TWNK: variants seen among roughly 807,000 people sequenced by gnomAD.
The protein encoded by TWNK is twinkle mtDNA helicase.
Under a neutral mutation model 58.2 loss-of-function variants are expected in TWNK, and 36 were observed. The ratio of observed to expected loss-of-function variants is 0.62; its 90% CI spans 0.47 to 0.82. TWNK has a LOEUF of 0.82. TWNK is among the 40% of genes least tolerant of loss of function. The pLI is 0.00. For synonymous variants in TWNK, 349 were observed against 348.5 expected (o/e 1.00, Z -0.02); for missense variants, 714 against 881.0 (o/e 0.81, Z 2.40).
chr10:100,989,315 T>C lies in TWNK; in HGVS notation c.1105T>C (p.Ser369Pro). 1 of 1,614,190 alleles carries C rather than the reference T, an allele frequency of 6.2e-7. No individual in the cohort carries two copies. The change falls in exon 1 of 5, where the codon TCT (serine) becomes CCT (proline). Residue 369 changes from serine to proline, a missense_variant. Physicochemically the swap from Ser to Pro is moderately conservative, Grantham distance 74. Transcript: ENST00000311916. The surrounding 1 kb of genome is among the most constrained non-coding windows in gnomAD (Gnocchi z 7.6). ...GCCTGCCTGGCACAAGTCCATCGTA[T>C]CTTTCCGGCAGCTTCGGGAGGAGGT... The part of the protein sequence containing the change: ...ALPAWHKSIV[S>P]FRQLREEVLG...
At position 100,988,277 on chromosome 10, in the gene TWNK, G is replaced by A; in HGVS notation, c.67G>A (p.Gly23Ser). 6.2e-7 allele frequency: 1 copy of A among 1,613,946 alleles called. No homozygotes were observed. The highest frequency in any genetic ancestry group is 8.5e-7 in the Non-Finnish European group (1 of 1,180,038). The change falls in exon 1 of 5, where the codon GGT (glycine) becomes AGT (serine). Residue 23 changes from glycine to serine, a missense_variant. Gly to Ser is a moderately conservative substitution (Grantham distance 56, BLOSUM62 0). This residue lies in a region of TWNK where 348 missense variants were observed against 388.4 expected (regional missense o/e 0.90). Transcript: ENST00000311916. This position sits in a 1 kb window ranked among gnomAD's most constrained non-coding sequence, Gnocchi z 5.2. Reference protein sequence around the residue: ...ILLPLRGEWMGRRGLPRNLAP... With the variant: ...ILLPLRGEWMSRRGLPRNLAP... ...GTTACCCCTGCGTGGGGAGTGGATG[G>A]GTCGGAGGGGCCTGCCCCGAAACTT...
chr10:100,993,744 T>G lies in TWNK; in HGVS notation c.*234T>G, dbSNP rs886046633. 4.8e-5 allele frequency: 27 copies of G among 565,426 alleles called. No individual in the cohort carries two copies. Among genetic ancestry groups the G allele is most frequent in the South Asian group, 9.1e-5 (4 of 44,070 alleles). The allele number at this position is 565,426 out of a possible 1,614,324, so 35.0% of individuals were successfully genotyped here. ...GTATATACAGCACTGAAAAGAGAGA[T>G]AAAGTCCCTGCCTGCATGCATTCTG... On this transcript the variant is annotated 3_prime_UTR_variant, in exon 5 of 5. Transcript: ENST00000311916.
chr10:100,989,932 G>T lies in TWNK; in HGVS notation c.1484+48G>T. On this transcript the variant is annotated intron_variant, in intron 2 of 4. Coordinates refer to ENST00000311916, the MANE Select transcript of TWNK (RefSeq NM_021830.5). The surrounding 1 kb of genome is among the most constrained non-coding windows in gnomAD (Gnocchi z 7.6). ...ACCTTGCTTTCCCAGACATATCCCA[G>T]CACTCAGGAACCTTTGGTTCCTTTT... is the stretch of plus-strand genomic sequence containing the variant. 6.2e-7 allele frequency: 1 copy of T among 1,612,806 alleles called. No homozygotes were observed. The highest frequency in any genetic ancestry group is 8.5e-7 in the Non-Finnish European group (1 of 1,178,956).
Position 100,988,672 on chromosome 10 carries a change from C to T in TWNK, c.462C>T (p.Val154=). 4 of 1,614,060 alleles carry T rather than the reference C, an allele frequency of 2.5e-6. No individual in the cohort carries two copies. The highest frequency in any genetic ancestry group is 3.4e-6 in the Non-Finnish European group (4 of 1,179,998). The part of the protein sequence containing the change: ...KAPEFEDSEE[V]RRIWNRAIPL... Reference sequence around the variant, plus strand: ...CAGAATTTGAGGACAGCGAGGAGGTCCGGAGGATCTGGAACCGAGCAATAC... The same window carrying T: ...CAGAATTTGAGGACAGCGAGGAGGTTCGGAGGATCTGGAACCGAGCAATAC... The change falls in exon 1 of 5, where the codon GTC becomes GTT. Residue 154 remains valine, a synonymous_variant. Transcript: ENST00000311916. This position sits in a 1 kb window ranked among gnomAD's most constrained non-coding sequence, Gnocchi z 5.2.
intron 4 of TWNK, chr10:100,991,330 C>A: frequency 2.5e-6 from 1 of 404,020 alleles, no homozygotes; most frequent in Non-Finnish European, 4.6e-6. Context: ...TGAGTCAGCC[C>A]GGGACATCTG....
chr10:100,991,933 C>T (rs559427827), intron 4 of TWNK, among the ~76,000 whole-genome samples: 50 of 150,888 alleles, frequency 3.3e-4, no homozygotes, highest in Non-Finnish European at 6.3e-4. Flanking sequence ...GGCAGAATGG[C>T]GTGAACCCGG....
In TWNK at chr10:100,988,225, C is replaced by G. The variant is rs1484939753; in HGVS notation, c.15C>G (p.Leu5=). Reference sequence around the variant, plus strand: ...TTTGGCTAGGAATGTGGGTCCTCCTCCGAAGTGGGTACCCCCTCCGTATCT... The same window carrying G: ...TTTGGCTAGGAATGTGGGTCCTCCTGCGAAGTGGGTACCCCCTCCGTATCT... MWVL[L]RSGYPLRILL... The change falls in exon 1 of 5, where the codon CTC becomes CTG. Residue 5 remains leucine, a synonymous_variant. Transcript: ENST00000311916. The surrounding 1 kb of genome is among the most constrained non-coding windows in gnomAD (Gnocchi z 5.2). The G allele has an allele frequency of 6.2e-7, 1 of 1,614,148 alleles. No individual in the cohort carries two copies. Among genetic ancestry groups the G allele is most frequent in the Middle Eastern group, 1.7e-4 (1 of 6,038 alleles).
At position 100,987,684 on chromosome 10, in the gene TWNK, TAG is replaced by T; in HGVS notation, c.-523_-522del. ...AGCGGAGTGAAGACACGGGGGAGGA[TAG>T]AGACTGGCATTCCTTTGGGCCGGGG... On this transcript the variant is annotated 5_prime_UTR_variant, in exon 1 of 5. Transcript: ENST00000311916. 1 of 600,548 alleles carries T rather than the reference TAG, an allele frequency of 1.7e-6. No individual in the cohort carries two copies. The highest frequency in any genetic ancestry group is 2.9e-6 in the Non-Finnish European group (1 of 342,052). 37.2% of individuals were successfully genotyped at this position (600,548 alleles called of 1,614,324 possible). A position where few individuals can be genotyped will look rare whatever the true frequency, so the allele number is the denominator to read the frequency against.
At chr10:100,990,717 T>C (rs1184293932) in intron 3 of TWNK, 152 bp from the exon 4 acceptor site, 1 of 1,582,278 alleles carries the variant, frequency 6.3e-7, no homozygotes, top group Admixed American at 1.7e-5. Context: ...GGCAGCAGGA[T>C]GTATGGACAG....
At chr10:100,991,958 A>G (rs1489384173) in intron 4 of TWNK, among the ~76,000 whole-genome samples, 1 of 150,796 alleles carries the variant, frequency 6.6e-6, no homozygotes, top group African/African-American at 2.4e-5. Context: ...CGGAGCTTGC[A>G]GTGAGCGGAG....
In TWNK at chr10:100,989,063, C is replaced by T. The variant is rs1564808324; in HGVS notation, c.853C>T (p.Arg285Ter). Residue 285 changes from arginine to a stop codon, truncating the protein, a stop_gained, in exon 1 of 5, where the codon CGA (arginine) becomes TGA (stop). Transcript: ENST00000311916. LOFTEE classifies it high-confidence loss of function. This position sits in a 1 kb window ranked among gnomAD's most constrained non-coding sequence, Gnocchi z 7.6. ...GGGGCTGCCTACCCTTACTCTACCC[C>T]GAGGAACGACCTGCTTACCCCCTGC... Reference protein sequence around the residue: ...STGLPTLTLPRGTTCLPPALL... With the variant: ...STGLPTLTLP The T allele has an allele frequency of 1.9e-6, 3 of 1,614,048 alleles. No individual in the cohort carries two copies. Among genetic ancestry groups the T allele is most frequent in the Non-Finnish European group, 1.7e-6 (2 of 1,179,954 alleles).
rs765794744 is a variant in TWNK, at chr10:100,993,523, G to GGACTGGCCATTCCT, written c.*13_*14insGACTGGCCATTCCT. ...GCGTTCAAAGTGAAGGCCGTGCAGA[G>GGACTGGCCATTCCT]CTGGTCACTGAAATGAGCCTGATAG... is the stretch of plus-strand genomic sequence containing the variant. On this transcript the variant is annotated 3_prime_UTR_variant, in exon 5 of 5. Transcript: ENST00000311916. 1 of 1,613,962 alleles carries GGACTGGCCATTCCT rather than the reference G, an allele frequency of 6.2e-7. No homozygotes were observed. Among genetic ancestry groups the GGACTGGCCATTCCT allele is most frequent in the South Asian group, 1.1e-5 (1 of 91,074 alleles).
In TWNK at chr10:100,988,123, G is replaced by A; in HGVS notation, c.-88G>A. ...GAGTGAGCTCTGCAGAGTGCTGCGT[G>A]GGATATCCCTAGAGTTTGGTCTAGT... On this transcript the variant is annotated 5_prime_UTR_variant, in exon 1 of 5. Coordinates refer to ENST00000311916, the MANE Select transcript of TWNK (RefSeq NM_021830.5). This position sits in a 1 kb window ranked among gnomAD's most constrained non-coding sequence, Gnocchi z 5.2. The A allele has an allele frequency of 7.1e-7, 1 of 1,414,088 alleles. No homozygotes were observed. Among genetic ancestry groups the A allele is most frequent in the South Asian group, 1.2e-5 (1 of 86,872 alleles). The allele number at this position is 1,414,088 out of a possible 1,614,324, so 87.6% of individuals were successfully genotyped here. A position where few individuals can be genotyped will look rare whatever the true frequency, so the allele number is the denominator to read the frequency against.
At chr10:100,992,417 G>A (rs1334769531) in intron 4 of TWNK, among the ~76,000 whole-genome samples, 1 of 149,278 alleles carries the variant, frequency 6.7e-6, no homozygotes, top group Non-Finnish European at 1.5e-5. Context: ...GAGTTTCACC[G>A]TGTTAGCCAG....
Position 100,990,434 on chromosome 10 carries a change from A to T in TWNK, c.1485-2A>T. Reference sequence around the variant, plus strand: ...CAAATTCCTTGCCTTTCCTCTTCCCAGGACTGTAATAGATACAATGCAACA... The same window carrying T: ...CAAATTCCTTGCCTTTCCTCTTCCCTGGACTGTAATAGATACAATGCAACA... On this transcript the variant is annotated splice_acceptor_variant, in intron 2 of 4. Transcript: ENST00000311916. LOFTEE classifies it high-confidence loss of function. 1 of 1,612,132 alleles carries T rather than the reference A, an allele frequency of 6.2e-7. No homozygotes were observed.
chr10:100,989,582 C>T lies in TWNK; in HGVS notation c.1244-62C>T. ...TTCCCCCCAGTTTTAAAGCCCTGAC[C>T]TATGTCTTGGTTTCAAGGGTAGGAC... On this transcript the variant is annotated intron_variant, in intron 1 of 4. Transcript: ENST00000311916. This position sits in a 1 kb window ranked among gnomAD's most constrained non-coding sequence, Gnocchi z 7.6. 2 of 1,612,370 alleles carry T rather than the reference C, an allele frequency of 1.2e-6. No individual in the cohort carries two copies. Among genetic ancestry groups the T allele is most frequent in the Non-Finnish European group, 1.7e-6 (2 of 1,179,730 alleles).
At position 100,993,718 on chromosome 10, in the gene TWNK, T is replaced by G; in HGVS notation, c.*208T>G. The G allele has an allele frequency of 1.6e-6, 1 of 613,426 alleles. No homozygotes were observed. The highest frequency in any genetic ancestry group is 2.9e-6 in the Non-Finnish European group (1 of 347,490). 38.0% of individuals were successfully genotyped at this position (613,426 alleles called of 1,614,324 possible). On this transcript the variant is annotated 3_prime_UTR_variant, in exon 5 of 5. Transcript: ENST00000311916. ...GTTGCTCAGGCTTTGTTTGAGGTCC[T>G]GTATATACAGCACTGAAAAGAGAGA...
At chr10:100,993,103 C>T in intron 4 of TWNK, 87 bp from the exon 5 acceptor site, 1 of 1,406,748 alleles carries the variant, frequency 7.1e-7, no homozygotes, top group South Asian at 1.2e-5. Context: ...CCATTCTTAT[C>T]ACTCCTCCCT....
chr10:100,988,572 G>C lies in TWNK; in HGVS notation c.362G>C (p.Ser121Thr). The C allele has an allele frequency of 6.2e-7, 1 of 1,614,048 alleles. No homozygotes were observed. Among genetic ancestry groups the C allele is most frequent in the Non-Finnish European group, 8.5e-7 (1 of 1,180,034 alleles). Residue 121 changes from serine (S) to threonine (T), a missense_variant, in exon 1 of 5, where the codon AGC (serine) becomes ACC (threonine). Ser to Thr is a moderately conservative substitution (Grantham distance 58). Transcript: ENST00000311916. The surrounding 1 kb of genome is among the most constrained non-coding windows in gnomAD (Gnocchi z 5.2). Reference sequence around the variant, plus strand: ...TGCATGACCAGCCTAGCAGAAGGGAGCTGGGAAGACTTCCAGGCCAGCGTG... The same window carrying C: ...TGCATGACCAGCCTAGCAGAAGGGACCTGGGAAGACTTCCAGGCCAGCGTG... ...FLCMTSLAEG[S>T]WEDFQASVEG...
Sources: gnomAD v4.1 joint callset for allele counts (sites outside exome capture counted in the v4.1 genomes callset) on GRCh38, gnomAD v4.1.1 for gene constraint, gnomAD v4.1.1 regional missense constraint, Gnocchi (gnomAD v3.1) non-coding constraint, MANE v1.5 for transcripts, NCBI Gene and HGNC (gene_info 2026-07-23, HGNC 2026-07-21) for gene names.